The following THRB variants were observed in gnomAD, a reference collection of about 807,000 sequenced individuals.
THRB encodes thyroid hormone receptor beta.
THRB carries 12 observed loss-of-function variants against 47.8 expected under a neutral mutation model. The observed-to-expected ratio is 0.25, with a 90% confidence interval of 0.16 to 0.41. The LOEUF is 0.41. Ranked by LOEUF, THRB falls within the 10% of genes least tolerant of loss-of-function variation. THRB has a pLI of 1.00. For missense variants in THRB, 348 were observed against 589.2 expected (o/e 0.59, Z 4.24); for synonymous variants, 218 against 212.2 (o/e 1.03, Z -0.24).
At chr3:24,465,102 G>C (rs1221740877) in intron 1 of THRB, among the ~76,000 whole-genome samples, 1 of 151,836 alleles carries the variant, frequency 6.6e-6, no homozygotes, top group Non-Finnish European at 1.5e-5. Flanking sequence ...ATATTCTGCA[G>C]TAGTTATTTC....
chr3:24,301,839 T>C (rs1505307), intron 2 of THRB, among the ~76,000 whole-genome samples: 92,182 of 152,042 alleles, frequency 0.61, 28,723 homozygotes, highest in East Asian at 0.79. Flanking sequence ...TCTAGTCACC[T>C]GAATCCTTGA....
chr3:24,309,043 C>T (rs1021669187), intron 2 of THRB, among the ~76,000 whole-genome samples: 2 of 152,134 alleles, frequency 1.3e-5, no homozygotes, highest in Admixed American at 6.5e-5. Flanking sequence ...CTCTGGCTCC[C>T]GTTTTTTGGC....
intron 4 of THRB, among the ~76,000 whole-genome samples, chr3:24,201,782 A>T (rs2044625033): frequency 1.3e-5 from 2 of 152,234 alleles, no homozygotes; most frequent in Admixed American, 1.3e-4. Flanking sequence ...TTTGGTTCAT[A>T]AAATGGAAAA....
chr3:24,281,391 A>G (rs1349909692), intron 3 of THRB, among the ~76,000 whole-genome samples: 1 of 152,020 alleles, frequency 6.6e-6, no homozygotes, highest in African/African-American at 2.4e-5. Context: ...AAATGCTGAG[A>G]GATTTTGTCA....
chr3:24,173,366 T>C (rs578041787), intron 5 of THRB, among the ~76,000 whole-genome samples: 2 of 152,324 alleles, frequency 1.3e-5, no homozygotes, highest in African/African-American at 4.8e-5. Flanking sequence ...TAAAATGTTT[T>C]AGGCCTAATT....
chr3:24,479,259 G>A (rs550644195), intron 1 of THRB, among the ~76,000 whole-genome samples: 3 of 152,208 alleles, frequency 2.0e-5, no homozygotes, highest in Non-Finnish European at 2.9e-5. Flanking sequence ...CTGAGATTGC[G>A]CCACCGCACT....
At chr3:24,385,293 C>T (rs189304637) in intron 1 of THRB, among the ~76,000 whole-genome samples, 6 of 152,124 alleles carry the variant, frequency 3.9e-5, no homozygotes, top group Non-Finnish European at 4.4e-5. Context: ...GGAGAATAAA[C>T]TACTTTGAAA....
At chr3:24,431,804 A>C (rs1348640312) in intron 1 of THRB, among the ~76,000 whole-genome samples, 3 of 152,130 alleles carry the variant, frequency 2.0e-5, no homozygotes, top group Non-Finnish European at 4.4e-5. Context: ...ATTATACAGC[A>C]GTGGAAAATG....
intron 2 of THRB, among the ~76,000 whole-genome samples, chr3:24,315,423 TTCTTG>T (rs1465386056): frequency 3.9e-5 from 6 of 152,178 alleles, no homozygotes; most frequent in African/African-American, 1.2e-4. Flanking sequence ...CAATTATATG[TTCTTG>T]AAATGCACCT....
At chr3:24,333,343 AAAAG>A (rs1176982732) in intron 2 of THRB, among the ~76,000 whole-genome samples, 4 of 152,250 alleles carry the variant, frequency 2.6e-5, no homozygotes, top group Non-Finnish European at 4.4e-5. Flanking sequence ...CAAGAGAGAG[AAAAG>A]AAAGAAATAA....
intron 4 of THRB, among the ~76,000 whole-genome samples, chr3:24,217,719 T>C (rs1409421451): frequency 3.3e-5 from 5 of 152,176 alleles, no homozygotes; most frequent in Admixed American, 2.0e-4. Flanking sequence ...GATTGTATCA[T>C]GCTAAGTCCT....
intron 1 of THRB, among the ~76,000 whole-genome samples, chr3:24,398,706 G>GA (rs1303000705): frequency 1.3e-5 from 2 of 152,140 alleles, no homozygotes; most frequent in East Asian, 3.9e-4. Flanking sequence ...AATACCATTT[G>GA]ACCCAGCCAT....
At chr3:24,299,141 G>A (rs865907180) in intron 2 of THRB, among the ~76,000 whole-genome samples, 1 of 151,126 alleles carries the variant, frequency 6.6e-6, no homozygotes, top group African/African-American at 2.4e-5. Flanking sequence ...CCAGCTACTC[G>A]GGAGGCTGAG....
chr3:24,356,424 G>A (rs2063675350), intron 1 of THRB, among the ~76,000 whole-genome samples: 1 of 152,110 alleles, frequency 6.6e-6, no homozygotes, highest in Non-Finnish European at 1.5e-5. Context: ...CTTAAGAATA[G>A]TACATGCTCA....
At chr3:24,367,385 T>G (rs1410104872) in intron 1 of THRB, among the ~76,000 whole-genome samples, 2 of 152,204 alleles carry the variant, frequency 1.3e-5, no homozygotes, top group South Asian at 4.1e-4. Context: ...TAGCAAACCC[T>G]GTGGTCTTTA....
Position 24,121,431 on chromosome 3 carries a change from A to T in THRB, c.*1453T>A, listed in dbSNP as rs2031664371. On this transcript the variant is annotated 3_prime_UTR_variant, in exon 11 of 11. Transcript: ENST00000646209. ...TAAGGCAGTAAAAGGTAGGCAAAGG[A>T]ATAGTTTATATCTACTATGCCAGTG... 6.6e-6 allele frequency: 1 copy of T among 152,666 alleles called. No individual in the cohort carries two copies. The highest frequency in any genetic ancestry group is 1.5e-5 in the Non-Finnish European group (1 of 68,048). 9.5% of individuals were successfully genotyped at this position (152,666 alleles called of 1,614,324 possible).
chr3:24,123,019 A>G lies in THRB; in HGVS notation c.1251T>C (p.Phe417=), dbSNP rs13081063. The change falls in exon 11 of 11, where the codon TTT becomes TTC. Residue 417 remains phenylalanine (F), a synonymous_variant. Coordinates refer to ENST00000646209, the MANE Select transcript of THRB (RefSeq NM_001354712.2). ...INYRKHHVTH[F]WPKLLMKVTD... ...TCACCTTCATCAGGAGTTTTGGCCAAAAGTGTGTCACGTGGTGTTTTCGGT... is the reference window on the plus strand; with the variant it reads ...TCACCTTCATCAGGAGTTTTGGCCAGAAGTGTGTCACGTGGTGTTTTCGGT... 0.032 allele frequency: 51,619 copies of G among 1,614,182 alleles called. 1,020 individuals are homozygous for G. The highest frequency in any genetic ancestry group is 0.035 in the Non-Finnish European group (41,668 of 1,180,026).
intron 1 of THRB, among the ~76,000 whole-genome samples, chr3:24,345,292 A>G (rs1405647299): frequency 6.6e-6 from 1 of 152,142 alleles, no homozygotes; most frequent in East Asian, 1.9e-4. Flanking sequence ...GGCATTCACC[A>G]CTTCAGAGAA....
At chr3:24,311,640 T>C (rs2057767530) in intron 2 of THRB, among the ~76,000 whole-genome samples, 1 of 152,198 alleles carries the variant, frequency 6.6e-6, no homozygotes. Flanking sequence ...TATTGTTCTT[T>C]TCATTTCCAC....
Sources: gnomAD v4.1 joint callset for allele counts (sites outside exome capture counted in the v4.1 genomes callset) on GRCh38, gnomAD v4.1.1 for gene constraint, MANE v1.5 for transcripts, NCBI Gene and HGNC (gene_info 2026-07-23, HGNC 2026-07-21) for gene names.